Variants in STAU2 observed in about 807,000 individuals in gnomAD.
STAU2 encodes double-stranded RNA-binding protein Staufen homolog 2.
A neutral mutation model predicts 65.9 loss-of-function variants in STAU2; 20 were observed. That is an observed-to-expected ratio of 0.30 (90% CI 0.21 to 0.44). The LOEUF (loss-of-function observed/expected upper bound fraction) is 0.44, where lower values mean the gene tolerates loss of function less well. Ranked by LOEUF, STAU2 falls within the 20% of genes least tolerant of loss-of-function variation. The pLI, the probability that STAU2 is intolerant of heterozygous loss-of-function variation, is 1.00. For synonymous variants in STAU2, 232 were observed against 233.9 expected (o/e 0.99, Z 0.07); for missense variants, 558 against 683.9 (o/e 0.82, Z 2.05).
intron 5 of STAU2, among the ~76,000 whole-genome samples, chr8:73,684,096 T>C (rs1172281315): frequency 6.6e-6 from 1 of 152,044 alleles, no homozygotes; most frequent in Non-Finnish European, 1.5e-5. Context: ...TTCACACTAC[T>C]AGAAAAAACA....
chr8:73,738,650 G>C (rs935367233), intron 2 of STAU2, among the ~76,000 whole-genome samples: 1 of 152,168 alleles, frequency 6.6e-6, no homozygotes, highest in Admixed American at 6.5e-5. Flanking sequence ...GGACAGTACA[G>C]ATCTGAACAA....
chr8:73,723,098 GCCCACACA>G lies in STAU2; in HGVS notation c.-17-13944_-17-13937del, dbSNP rs1821797438. On this transcript the variant is annotated intron_variant, in intron 3 of 14. Transcript: ENST00000524300. ...CTATTCCACACTAGAGTGCGTGCGT[GCCCACACA>G]CCCACACACACACACACACATACAC... is the stretch of plus-strand genomic sequence containing the variant. Among the ~76,000 whole-genome samples the G allele has an allele frequency of 7.3e-5, 11 of 151,708 alleles. 1 individual carries two copies. Among genetic ancestry groups the G allele is most frequent in the Admixed American group, 7.2e-4 (11 of 15,236 alleles).
chr8:73,732,869 T>C (rs1204482080), intron 3 of STAU2: 2 of 152,120 alleles, frequency 1.3e-5, no homozygotes, highest in African/African-American at 2.4e-5. Flanking sequence ...GCAATATTAA[T>C]AGTAAAATTA....
At chr8:73,645,188 C>A (rs891152969) in intron 6 of STAU2, among the ~76,000 whole-genome samples, 1 of 152,088 alleles carries the variant, frequency 6.6e-6, no homozygotes, top group Non-Finnish European at 1.5e-5. Context: ...AGACAAAAAA[C>A]CTTAATAGAA....
chr8:73,648,170 T>C (rs1344430819), intron 6 of STAU2, among the ~76,000 whole-genome samples: 1 of 152,168 alleles, frequency 6.6e-6, no homozygotes, highest in Non-Finnish European at 1.5e-5. Context: ...CATTCTCAAG[T>C]TTCCAAATAC....
chr8:73,590,031 G>A (rs921219221), intron 11 of STAU2, among the ~76,000 whole-genome samples: 1 of 150,586 alleles, frequency 6.6e-6, no homozygotes, highest in Non-Finnish European at 1.5e-5. Flanking sequence ...AAGAACAATA[G>A]GGAAGGAGGA....
At chr8:73,556,561 G>A (rs1395592108) in intron 12 of STAU2, among the ~76,000 whole-genome samples, 3 of 152,136 alleles carry the variant, frequency 2.0e-5, no homozygotes, top group African/African-American at 7.2e-5. Context: ...TTCGAGACCA[G>A]CCTGGCCAAC....
At chr8:73,534,702 C>T (rs1337475870) in intron 13 of STAU2, among the ~76,000 whole-genome samples, 1 of 152,120 alleles carries the variant, frequency 6.6e-6, no homozygotes, top group Non-Finnish European at 1.5e-5. Context: ...AGAATAATAT[C>T]TGTTACTGTC....
chr8:73,569,440 T>C (rs913714888), intron 12 of STAU2, among the ~76,000 whole-genome samples: 5 of 152,094 alleles, frequency 3.3e-5, no homozygotes, highest in African/African-American at 9.7e-5. Context: ...CGTCCCTGTC[T>C]GACAGCTTTG....
chr8:73,484,212 T>C (rs1409329393), intron 13 of STAU2, among the ~76,000 whole-genome samples: 2 of 152,156 alleles, frequency 1.3e-5, no homozygotes, highest in African/African-American at 4.8e-5. Context: ...AATGATATGA[T>C]ATAAAAACAA....
chr8:73,685,854 C>T (rs900283844), intron 5 of STAU2, among the ~76,000 whole-genome samples: 1 of 152,200 alleles, frequency 6.6e-6, no homozygotes, highest in Non-Finnish European at 1.5e-5. Flanking sequence ...CTTGTATACA[C>T]ATGTTTATAG....
chr8:73,700,277 C>T (rs895369339), intron 4 of STAU2, among the ~76,000 whole-genome samples: 3 of 152,140 alleles, frequency 2.0e-5, no homozygotes, highest in Admixed American at 6.5e-5. Flanking sequence ...AAGATGCCCA[C>T]TTTCACCACT....
intron 6 of STAU2, chr8:73,653,793 T>G: frequency 2.9e-6 from 1 of 350,630 alleles, no homozygotes; most frequent in Non-Finnish European, 5.5e-6. Flanking sequence ...ATGACACCTT[T>G]AGGAGTCTTC....
At chr8:73,745,096 A>T (rs1807179264) in intron 1 of STAU2, among the ~76,000 whole-genome samples, 1 of 152,242 alleles carries the variant, frequency 6.6e-6, no homozygotes, top group Admixed American at 6.5e-5. Flanking sequence ...AGACTAGCCT[A>T]CCATATAATA....
intron 13 of STAU2, chr8:73,550,456 A>G: frequency 2.0e-6 from 2 of 985,764 alleles, no homozygotes; most frequent in Non-Finnish European, 2.4e-6. Flanking sequence ...ATCAATTCAG[A>G]GCTTGAATGC....
Position 73,603,707 on chromosome 8 carries a change from T to A in STAU2, c.1029+19A>T, listed in dbSNP as rs1260541877. 6.2e-7 allele frequency: 1 copy of A among 1,605,934 alleles called. No homozygotes were observed. Among genetic ancestry groups the A allele is most frequent in the Non-Finnish European group, 8.5e-7 (1 of 1,178,246 alleles). On this transcript the variant is annotated intron_variant, in intron 10 of 14. Transcript: ENST00000524300. Reference sequence around the variant, plus strand: ...GGGATTTCTAAATCTTTTCAATAGTTTTAAAAGGTTAGAAATACCTGCATC... The same window carrying A: ...GGGATTTCTAAATCTTTTCAATAGTATTAAAAGGTTAGAAATACCTGCATC...
At chr8:73,449,122 T>C (rs1818653967) in intron 13 of STAU2, among the ~76,000 whole-genome samples, 1 of 152,180 alleles carries the variant, frequency 6.6e-6, no homozygotes, top group Non-Finnish European at 1.5e-5. Context: ...ACCGCGCAGC[T>C]CCGTGTCCCC....
At chr8:73,550,292 A>AG in intron 13 of STAU2, 1 of 984,422 alleles carries the variant, frequency 1.0e-6, no homozygotes, top group Non-Finnish European at 1.2e-6. Context: ...TGCAATAATG[A>AG]GGGAAGCAGA....
chr8:73,591,882 TAAAAAAAA>T (rs34533172), intron 11 of STAU2, among the ~76,000 whole-genome samples: 6 of 28,474 alleles, frequency 2.1e-4, no homozygotes, highest in Middle Eastern at 0.023. Context: ...ATCCCAGAGG[TAAAAAAAA>T]AAAAAAAAAA....
Sources: gnomAD v4.1 joint callset for allele counts (sites outside exome capture counted in the v4.1 genomes callset) on GRCh38, gnomAD v4.1.1 for gene constraint, MANE v1.5 for transcripts, NCBI Gene and HGNC (gene_info 2026-07-23, HGNC 2026-07-21) for gene names.